The following AGT variants were observed in gnomAD, a reference collection of about 807,000 sequenced individuals.
The protein encoded by AGT is alpha-1 antiproteinase, antitrypsin.
AGT carries 26 observed loss-of-function variants against 28.1 expected under a neutral mutation model. The ratio of observed to expected loss-of-function variants is 0.92; its 90% CI spans 0.68 to 1.28. The LOEUF is 1.28. Among genes scored for constraint, AGT ranks in the 50% most tolerant of loss-of-function variants. The pLI is 0.00. For missense variants in AGT, 596 were observed against 592.3 expected (o/e 1.01, Z -0.06); for synonymous variants, 259 against 259.6 (o/e 1.00, Z 0.02).
chr1:230,725,157 G>A (rs910741189), intron 1 of AGT, among the ~76,000 whole-genome samples: 18 of 151,972 alleles, frequency 1.2e-4, no homozygotes, highest in African/African-American at 4.4e-4. Context: ...ATTGATTAAG[G>A]GATTAAATTG....
Position 230,706,073 on chromosome 1 carries a change from G to T in AGT, c.957C>A (p.Asn319Lys). The T allele has an allele frequency of 6.2e-7, 1 of 1,614,164 alleles. No individual in the cohort carries two copies. The highest frequency in any genetic ancestry group is 1.3e-5 in the African/African-American group (1 of 75,042). ...TGAAGGGCACTTGAGTCACCGAGAA[G>T]TTGTCCTGGATGTCACTCCAGTGCT... ...TFQHWSDIQD[N>K]FSVTQVPFTE... The change falls in exon 3 of 5, where the codon AAC becomes AAA. Residue 319 changes from asparagine (N) to lysine (K), a missense_variant. Asn to Lys is a moderately conservative substitution (Grantham distance 94). Coordinates refer to ENST00000366667, the MANE Select transcript of AGT (RefSeq NM_001384479.1).
intron 3 of AGT, 86 bp from the exon 4 acceptor site, chr1:230,704,423 C>G: frequency 6.6e-7 from 1 of 1,525,030 alleles, no homozygotes; most frequent in Non-Finnish European, 9.0e-7. Flanking sequence ...GCTCCTTGCA[C>G]CCAACCCTGA....
At chr1:230,741,826 A>C (rs959964322) in intron 1 of AGT, among the ~76,000 whole-genome samples, 4 of 152,094 alleles carry the variant, frequency 2.6e-5, no homozygotes, top group Non-Finnish European at 5.9e-5. Flanking sequence ...TACACGGGGG[A>C]GGGAAGGCAG....
chr1:230,709,032 A>C (rs1193068943), intron 2 of AGT, among the ~76,000 whole-genome samples: 1 of 151,978 alleles, frequency 6.6e-6, no homozygotes, highest in East Asian at 1.9e-4. Flanking sequence ...TGTTGCCCTC[A>C]CTGCCAGGCA....
At chr1:230,724,038 A>G (rs1663892629) in intron 1 of AGT, among the ~76,000 whole-genome samples, 2 of 152,232 alleles carry the variant, frequency 1.3e-5, no homozygotes, top group Admixed American at 1.3e-4. Flanking sequence ...AGGATTGGCA[A>G]ACTACAGCCC....
At chr1:230,703,426 C>T (rs1419200780) in intron 4 of AGT, 97 bp from the exon 5 acceptor site, 2 of 1,276,038 alleles carry the variant, frequency 1.6e-6, no homozygotes, top group Non-Finnish European at 2.3e-6. Context: ...GACCTCTGTG[C>T]TGTGCACTGT....
At chr1:230,705,343 G>A (rs1470986147) in intron 3 of AGT, among the ~76,000 whole-genome samples, 1 of 152,194 alleles carries the variant, frequency 6.6e-6, no homozygotes, top group Non-Finnish European at 1.5e-5. Context: ...CCTGCCTCTG[G>A]GAGCAGATTT....
At chr1:230,724,347 A>G (rs1267378595) in intron 1 of AGT, among the ~76,000 whole-genome samples, 1 of 152,222 alleles carries the variant, frequency 6.6e-6, no homozygotes, top group Admixed American at 6.5e-5. Flanking sequence ...AGAAACATCT[A>G]CTGTATTTAC....
upstream of AGT, among the ~76,000 whole-genome samples, chr1:230,716,805 C>T (rs1977414): frequency 0.32 from 48,299 of 151,634 alleles, 7,836 homozygotes; most frequent in South Asian, 0.39. Context: ...TTATTAGCAG[C>T]GTGAGAACAG....
chr1:230,710,147 A>AGG lies in AGT; in HGVS notation c.675_676dup (p.Leu226ProfsTer25), dbSNP rs774374411. 1 of 1,614,168 alleles carries AGG rather than the reference A, an allele frequency of 6.2e-7. No individual in the cohort carries two copies. ...TTCTGTGAAGTCCAGAGAGCGTGGG[A>AGG]GGACCACAGGGGTATAGAGAGCCAG... On this transcript the variant is annotated frameshift_variant, in exon 2 of 5. Transcript: ENST00000366667. LOFTEE classifies it high-confidence loss of function.
In AGT at chr1:230,744,584, C is replaced by A. The variant is rs575372682; in HGVS notation, c.-31+931G>T. ...GCTGTGGTTCTGGAGGATTGTTAAA[C>A]CTTTTTGGTGTGTTTCCTACTCTGA... is the stretch of plus-strand genomic sequence containing the variant. On this transcript the variant is annotated intron_variant, in intron 1 of 4. Coordinates refer to the AGT transcript ENST00000681269. 3.9e-5 allele frequency among the ~76,000 whole-genome samples: 6 copies of A among 152,294 alleles called. No homozygotes were observed. The East Asian group carries it at 1.2e-3, about 29-fold the overall frequency.
Position 230,705,871 on chromosome 1 carries a change from G to A in AGT, c.1097+62C>T, listed in dbSNP as rs61762528. 977 of 1,600,488 alleles carry A rather than the reference G, an allele frequency of 6.1e-4. 2 individuals carry two copies. In the Middle Eastern group the frequency reaches 8.2e-3, roughly 13 times the overall value. On this transcript the variant is annotated intron_variant, in intron 3 of 4. Coordinates refer to ENST00000366667, the MANE Select transcript of AGT (RefSeq NM_001384479.1). Reference sequence around the variant, plus strand: ...CTCAGGTGTGTCTACTCCCCACCCCGCCCCCAGCCTGGGCAGGACAGTGTG... The same window carrying A: ...CTCAGGTGTGTCTACTCCCCACCCCACCCCCAGCCTGGGCAGGACAGTGTG...
intron 1 of AGT, among the ~76,000 whole-genome samples, chr1:230,713,025 A>G (rs779211781): frequency 7.3e-4 from 111 of 152,194 alleles, no homozygotes; most frequent in Non-Finnish European, 4.3e-4. Context: ...TGACCTCACC[A>G]TAGTCCTCAC....
intron 1 of AGT, among the ~76,000 whole-genome samples, chr1:230,725,608 A>G (rs1663926466): frequency 6.6e-6 from 1 of 152,240 alleles, no homozygotes; most frequent in South Asian, 2.1e-4. Flanking sequence ...CATAGTTGCA[A>G]TGATATAAAT....
intron 1 of AGT, among the ~76,000 whole-genome samples, chr1:230,729,762 GTGT>G (rs1199364828): frequency 6.9e-6 from 1 of 145,610 alleles, no homozygotes; most frequent in Non-Finnish European, 1.5e-5. Flanking sequence ...GTGACAAGTA[GTGT>G]TGTCAAGTTC....
chr1:230,708,968 G>T (rs1663477765), intron 2 of AGT, among the ~76,000 whole-genome samples: 1 of 152,150 alleles, frequency 6.6e-6, no homozygotes, highest in Non-Finnish European at 1.5e-5. Context: ...CTCGTTCCTT[G>T]CCCCAAACTC....
At chr1:230,723,295 C>T (rs1469614786) in intron 1 of AGT, among the ~76,000 whole-genome samples, 3 of 152,198 alleles carry the variant, frequency 2.0e-5, no homozygotes, top group Non-Finnish European at 4.4e-5. Flanking sequence ...TACCAAGTCT[C>T]AGGTATTTAT....
chr1:230,744,748 G>C (rs1009959711), intron 1 of AGT, among the ~76,000 whole-genome samples: 8 of 152,238 alleles, frequency 5.3e-5, no homozygotes, highest in African/African-American at 1.9e-4. Flanking sequence ...GCCTGGAGAG[G>C]TGTTTGTATC....
intron 1 of AGT, among the ~76,000 whole-genome samples, chr1:230,736,481 T>C (rs1664160116): frequency 6.6e-6 from 1 of 152,094 alleles, no homozygotes; most frequent in African/African-American, 2.4e-5. Context: ...ATCACTCCAC[T>C]GCACTCCAGC....
Sources: gnomAD v4.1 joint callset for allele counts (sites outside exome capture counted in the v4.1 genomes callset) on GRCh38, gnomAD v4.1.1 for gene constraint, MANE v1.5 for transcripts, NCBI Gene and HGNC (gene_info 2026-07-23, HGNC 2026-07-21) for gene names.